Variants in GRM7 observed in about 807,000 individuals in gnomAD.
GRM7 encodes metabotropic glutamate receptor 7.
GRM7 carries 35 observed loss-of-function variants against 84.5 expected under a neutral mutation model. The ratio of observed to expected loss-of-function variants is 0.41; its 90% confidence interval spans 0.32 to 0.55. GRM7 has a LOEUF of 0.55. GRM7 is among the 20% of genes least tolerant of loss of function. The pLI, the probability that GRM7 is intolerant of heterozygous loss-of-function variation, is 0.19. For synonymous variants in GRM7, 487 were observed against 455.1 expected, an observed-to-expected ratio of 1.07 and a Z score of -0.89; for missense variants, 1,003 against 1,194.6, an observed-to-expected ratio of 0.84 and a Z score of 2.36.
chr3:7,221,533 G>C (rs1696800698), intron 2 of GRM7, among the ~76,000 whole-genome samples: 1 of 151,888 alleles, frequency 6.6e-6, no homozygotes, highest in Non-Finnish European at 1.5e-5. Context: ...AGTTGACTTA[G>C]TCAATCTCTT....
intron 1 of GRM7, among the ~76,000 whole-genome samples, chr3:7,099,178 A>C (rs576709587): frequency 6.7e-6 from 1 of 149,260 alleles, no homozygotes; most frequent in Admixed American, 6.7e-5. Context: ...TCGCAGGTTT[A>C]ATTGCATATA....
chr3:7,452,120 A>C (rs1458677518), intron 5 of GRM7, among the ~76,000 whole-genome samples: 1 of 152,158 alleles, frequency 6.6e-6, no homozygotes, highest in African/African-American at 2.4e-5. Context: ...AGAGAAAGAA[A>C]ACGGACATCA....
chr3:7,135,201 A>G (rs1490208622), intron 1 of GRM7, among the ~76,000 whole-genome samples: 2 of 152,242 alleles, frequency 1.3e-5, no homozygotes. Context: ...TTCCTGCCCA[A>G]CCATCCTATG....
chr3:7,455,904 A>G (rs1402646233), intron 6 of GRM7, among the ~76,000 whole-genome samples: 2 of 152,048 alleles, frequency 1.3e-5, no homozygotes, highest in Non-Finnish European at 2.9e-5. Context: ...CTCATTTAAA[A>G]CGCACAACAT....
intron 7 of GRM7, among the ~76,000 whole-genome samples, chr3:7,498,588 G>A (rs960391097): frequency 6.6e-6 from 1 of 152,188 alleles, no homozygotes; most frequent in East Asian, 1.9e-4. Context: ...AGGTTGATGG[G>A]ACATGATGAG....
chr3:7,712,493 C>T (rs1701616095), intron 9 of GRM7, among the ~76,000 whole-genome samples: 1 of 151,888 alleles, frequency 6.6e-6, no homozygotes, highest in African/African-American at 2.4e-5. Flanking sequence ...CCCACCCTCA[C>T]ATCTAAATTT....
intron 4 of GRM7, among the ~76,000 whole-genome samples, chr3:7,330,408 C>G (rs968535146): frequency 4.6e-5 from 7 of 152,126 alleles, no homozygotes; most frequent in African/African-American, 1.2e-4. Context: ...CTCTCTGTCC[C>G]CCTTGTAACA....
At chr3:7,634,753 C>A (rs933231792) in intron 8 of GRM7, among the ~76,000 whole-genome samples, 67 of 150,598 alleles carry the variant, frequency 4.4e-4, no homozygotes, top group Middle Eastern at 6.8e-3. Context: ...GAGATCGCGC[C>A]ACTGCACTCC....
At chr3:7,434,473 AT>A (rs1252065948) in intron 5 of GRM7, among the ~76,000 whole-genome samples, 2 of 152,058 alleles carry the variant, frequency 1.3e-5, no homozygotes, top group African/African-American at 4.8e-5. Flanking sequence ...GTTTCTTTCC[AT>A]TTTCTTTGCT....
At chr3:7,238,769 CTTCTT>C (rs1358046903) in intron 2 of GRM7, among the ~76,000 whole-genome samples, 2 of 144,876 alleles carry the variant, frequency 1.4e-5, no homozygotes, top group African/African-American at 5.3e-5. Context: ...CTTTCCTTTC[CTTCTT>C]TTCTTTTCTT....
At chr3:7,044,925 A>AT (rs1696749177) in intron 1 of GRM7, among the ~76,000 whole-genome samples, 1 of 152,054 alleles carries the variant, frequency 6.6e-6, no homozygotes, top group Non-Finnish European at 1.5e-5. Flanking sequence ...TTAAATTGCT[A>AT]TTTTTTGACA....
chr3:6,966,045 A>G (rs1693503576), intron 1 of GRM7, among the ~76,000 whole-genome samples: 1 of 152,286 alleles, frequency 6.6e-6, no homozygotes, highest in Non-Finnish European at 1.5e-5. Flanking sequence ...ACTTTGCAGG[A>G]ATGTTTCAGA....
At chr3:7,651,104 TCTC>T (rs1698917657) in intron 8 of GRM7, among the ~76,000 whole-genome samples, 1 of 152,212 alleles carries the variant, frequency 6.6e-6, no homozygotes, top group Non-Finnish European at 1.5e-5. Flanking sequence ...GTTCACGTCT[TCTC>T]CTGATAACTG....
chr3:7,473,409 G>A (rs916098412), intron 7 of GRM7, among the ~76,000 whole-genome samples: 10 of 151,814 alleles, frequency 6.6e-5, no homozygotes, highest in African/African-American at 2.4e-4. Context: ...CCAGGAGTTC[G>A]AGAAAGCAAT....
intron 1 of GRM7, among the ~76,000 whole-genome samples, chr3:6,991,345 G>A (rs1226534555): frequency 6.6e-6 from 1 of 152,154 alleles, no homozygotes; most frequent in Non-Finnish European, 1.5e-5. Context: ...CGGACTGATT[G>A]CTTTCAGCAA....
intron 9 of GRM7, among the ~76,000 whole-genome samples, chr3:7,708,725 A>G (rs1454416742): frequency 6.6e-6 from 1 of 152,122 alleles, no homozygotes; most frequent in Admixed American, 6.5e-5. Context: ...TGACATCCCA[A>G]CATCCTACGG....
chr3:7,157,942 G>A (rs940506999), intron 2 of GRM7, among the ~76,000 whole-genome samples: 1 of 152,066 alleles, frequency 6.6e-6, no homozygotes, highest in South Asian at 2.1e-4. Context: ...CTCATCGCAC[G>A]CTGGGATAAG....
intron 1 of GRM7, among the ~76,000 whole-genome samples, chr3:7,105,855 A>G (rs1335991023): frequency 6.6e-6 from 1 of 151,866 alleles, no homozygotes; most frequent in African/African-American, 2.4e-5. Context: ...AATGTACACA[A>G]TAATATGCAA....
intron 7 of GRM7, among the ~76,000 whole-genome samples, chr3:7,463,279 G>A (rs538815679): frequency 2.0e-5 from 3 of 152,314 alleles, no homozygotes; most frequent in Non-Finnish European, 2.9e-5. Context: ...GAGTTCCCAA[G>A]TAGCATTCAC....
Sources: gnomAD v4.1 joint callset for allele counts (sites outside exome capture counted in the v4.1 genomes callset) on GRCh38, gnomAD v4.1.1 for gene constraint, MANE v1.5 for transcripts, NCBI Gene and HGNC (gene_info 2026-07-23, HGNC 2026-07-21) for gene names.